TMIGD3: variants seen among roughly 807,000 people sequenced by gnomAD.
The protein encoded by TMIGD3 is AD026 protein (AD026).
Under a neutral mutation model 28.1 loss-of-function variants are expected in TMIGD3, and 21 were observed. The observed-to-expected ratio is 0.75, with a 90% CI of 0.53 to 1.08. The LOEUF (loss-of-function observed/expected upper bound fraction) is 1.08. Ranked by LOEUF, TMIGD3 falls within the 50% of genes least tolerant of loss-of-function variation. The probability of loss-of-function intolerance (pLI) is 0.00; values close to 1 mark genes in which losing one functional copy is unlikely to be tolerated. For missense variants in TMIGD3, 416 were observed against 435.6 expected (o/e 0.96, Z 0.40); for synonymous variants, 151 against 162.1 (o/e 0.93, Z 0.52).
rs538207569 is a variant in TMIGD3, at chr1:111,550,833, T to C, written c.107+13013A>G. ...ATGTGGTCAGAGAACATATTTTATG[T>C]AATTTCAACATTTTAAAATTTATTC... On this transcript the variant is annotated intron_variant, in intron 1 of 5. Coordinates refer to the TMIGD3 transcript ENST00000369717. 2.0e-5 allele frequency among the ~76,000 whole-genome samples: 3 copies of C among 152,368 alleles called. No homozygotes were observed. In the East Asian group the frequency reaches 5.8e-4, roughly 29 times the overall value.
At chr1:111,532,331 C>A (rs1421962264) in intron 1 of TMIGD3, among the ~76,000 whole-genome samples, 1 of 152,184 alleles carries the variant, frequency 6.6e-6, no homozygotes, top group Non-Finnish European at 1.5e-5. Context: ...GAAGATGGAA[C>A]CTCTTTATAT....
chr1:111,511,496 C>T (rs977705396), intron 1 of TMIGD3, among the ~76,000 whole-genome samples: 1 of 152,172 alleles, frequency 6.6e-6, no homozygotes, highest in Non-Finnish European at 1.5e-5. Flanking sequence ...TTTGCATCTT[C>T]TAACTTCAAT....
intron 1 of TMIGD3, chr1:111,499,341 G>T: frequency 1.2e-6 from 1 of 840,060 alleles, no homozygotes. Context: ...GCCAACACAT[G>T]GCTCCAAGTA....
chr1:111,505,153 C>G, upstream of TMIGD3: 1 of 466,642 alleles, frequency 2.1e-6, no homozygotes, highest in African/African-American at 2.3e-5. Context: ...AAAAAAGAAG[C>G]CTTTCTCACT....
intron 1 of TMIGD3, among the ~76,000 whole-genome samples, chr1:111,554,040 C>A (rs9988442): frequency 2.6e-5 from 4 of 152,220 alleles, no homozygotes; most frequent in African/African-American, 4.8e-5. Context: ...GGAATGGTTA[C>A]GTGCATATGC....
At chr1:111,543,514 G>A (rs749762836) in intron 1 of TMIGD3, among the ~76,000 whole-genome samples, 3 of 152,142 alleles carry the variant, frequency 2.0e-5, no homozygotes, top group Non-Finnish European at 4.4e-5. Flanking sequence ...TCACCAAAAT[G>A]TTAACACAAT....
intron 1 of TMIGD3, among the ~76,000 whole-genome samples, chr1:111,559,200 C>T (rs891483292): frequency 3.3e-5 from 5 of 152,028 alleles, no homozygotes; most frequent in African/African-American, 1.2e-4. Flanking sequence ...GAGGGAAATG[C>T]ACAGTCTTAA....
At chr1:111,487,314 C>T (rs1191746997) in intron 3 of TMIGD3, among the ~76,000 whole-genome samples, 4 of 152,168 alleles carry the variant, frequency 2.6e-5, no homozygotes, top group Admixed American at 6.5e-5. Flanking sequence ...TGTTACATTC[C>T]GTAGGATGCT....
intron 3 of TMIGD3, among the ~76,000 whole-genome samples, chr1:111,488,245 CTG>C (rs1469016801): frequency 2.7e-5 from 4 of 150,914 alleles, no homozygotes; most frequent in South Asian, 4.2e-4. Flanking sequence ...TTTTTTGAGA[CTG>C]AGTCTCACTC....
chr1:111,534,058 C>A (rs1010690257), intron 1 of TMIGD3, among the ~76,000 whole-genome samples: 2 of 152,032 alleles, frequency 1.3e-5, no homozygotes, highest in Admixed American at 6.6e-5. Context: ...AAAACACTTA[C>A]AATAATGCCT....
At chr1:111,528,355 T>A (rs187863406) in intron 1 of TMIGD3, among the ~76,000 whole-genome samples, 1 of 152,228 alleles carries the variant, frequency 6.6e-6, no homozygotes, top group African/African-American at 2.4e-5. Context: ...GGCCTTTCTA[T>A]TCTGTTCCAC....
In TMIGD3 at chr1:111,510,951, T is replaced by C. The variant is rs1240077243; in HGVS notation, c.108-20189A>G. On this transcript the variant is annotated intron_variant, in intron 1 of 5. Transcript: ENST00000369717. ...GTCCCCTCATTTGAAGTGAGTCTTTTAATACAGCACTCACGGGCACCCACA... is the reference window on the plus strand; with the variant it reads ...GTCCCCTCATTTGAAGTGAGTCTTTCAATACAGCACTCACGGGCACCCACA... 2.6e-5 allele frequency among the ~76,000 whole-genome samples: 4 copies of C among 152,194 alleles called. No individual in the cohort carries two copies. In the East Asian group the frequency reaches 7.7e-4, roughly 29 times the overall value.
At chr1:111,506,941 A>G (rs2100989890), upstream of TMIGD3, among the ~76,000 whole-genome samples, 1 of 118,466 alleles carries the variant, frequency 8.4e-6, no homozygotes, top group East Asian at 2.5e-4. Context: ...ACACACACAT[A>G]TATATACACA....
chr1:111,538,303 G>A (rs1656709091), intron 1 of TMIGD3, among the ~76,000 whole-genome samples: 1 of 152,186 alleles, frequency 6.6e-6, no homozygotes, highest in African/African-American at 2.4e-5. Context: ...ACCATACAGG[G>A]AAGGGGCATT....
intron 1 of TMIGD3, among the ~76,000 whole-genome samples, chr1:111,541,745 C>T (rs1314958378): frequency 1.3e-5 from 2 of 151,576 alleles, no homozygotes; most frequent in Non-Finnish European, 1.5e-5. Context: ...CCTAAGAAAC[C>T]CAACATTCAG....
intron 1 of TMIGD3, among the ~76,000 whole-genome samples, chr1:111,537,974 T>A (rs955174857): frequency 6.6e-5 from 10 of 152,214 alleles, no homozygotes; most frequent in South Asian, 2.1e-4. Context: ...GCTATTTTTT[T>A]AAAATACTTT....
intron 1 of TMIGD3, among the ~76,000 whole-genome samples, chr1:111,538,465 T>C (rs572327780): frequency 6.6e-6 from 1 of 152,288 alleles, no homozygotes; most frequent in South Asian, 2.1e-4. Flanking sequence ...GGTGAGGATG[T>C]CTCTCTTTTG....
intron 1 of TMIGD3, among the ~76,000 whole-genome samples, chr1:111,531,653 G>T (rs1656463712): frequency 6.6e-6 from 1 of 151,964 alleles, no homozygotes; most frequent in Non-Finnish European, 1.5e-5. Context: ...TGGATGGCAG[G>T]CCTTGTGAAT....
In TMIGD3 at chr1:111,546,986, G is replaced by A. The variant is rs150425923; in HGVS notation, c.107+16860C>T. On this transcript the variant is annotated intron_variant, in intron 1 of 5. Coordinates refer to the TMIGD3 transcript ENST00000369717. Reference sequence around the variant, plus strand: ...TTTAATAATAGCCATCCTAAGGAGTGTAAAGTGGAACAATGCCCAAGGATT... The same window carrying A: ...TTTAATAATAGCCATCCTAAGGAGTATAAAGTGGAACAATGCCCAAGGATT... Among the ~76,000 whole-genome samples, 12 of 152,258 alleles carry A rather than the reference G, an allele frequency of 7.9e-5. No individual in the cohort carries two copies. In the East Asian group the frequency reaches 1.7e-3, roughly 22 times the overall value.
Sources: allele counts gnomAD v4.1 joint callset (sites outside exome capture counted in the v4.1 genomes callset), GRCh38; gene constraint gnomAD v4.1.1; transcripts MANE v1.5; gene names NCBI Gene and HGNC (gene_info 2026-07-23, HGNC 2026-07-21).